The following PZP variants were observed in gnomAD, a reference collection of about 807,000 sequenced individuals.
PZP encodes PZP alpha-2-macroglobulin like.
In PZP, 150 loss-of-function variants were observed where a neutral mutation model predicts 179.8. That is an observed-to-expected ratio of 0.83 (90% CI 0.73 to 0.96). PZP has a LOEUF of 0.96. PZP is among the 40% of genes least tolerant of loss of function. The pLI is 0.00. For synonymous variants in PZP, 624 were observed against 652.3 expected (o/e 0.96, Z 0.66); for missense variants, 1,689 against 1,764.0 (o/e 0.96, Z 0.76).
chr12:9,203,385 A>G (rs1383923946), intron 2 of PZP, among the ~76,000 whole-genome samples: 1 of 126,186 alleles, frequency 7.9e-6, no homozygotes, highest in African/African-American at 3.1e-5. Context: ...TCTGTCGCCC[A>G]GGCTGGAGTG....
chr12:9,161,396 G>A (rs552932828), intron 22 of PZP, among the ~76,000 whole-genome samples: 5 of 152,096 alleles, frequency 3.3e-5, no homozygotes, highest in Non-Finnish European at 7.4e-5. Flanking sequence ...TCTCCTTGTG[G>A]AACTCTGGGT....
the PZP span, among the ~76,000 whole-genome samples, chr12:9,140,259 G>C: frequency 6.6e-6 from 1 of 152,204 alleles, no homozygotes; most frequent in African/African-American, 2.4e-5. Context: ...CCTAGGCATA[G>C]TAGTAGGGGG....
At chr12:9,188,164 AG>A (rs780621917) in intron 13 of PZP, among the ~76,000 whole-genome samples, 9 of 152,256 alleles carry the variant, frequency 5.9e-5, no homozygotes, top group Admixed American at 3.9e-4. Context: ...CACATCAAAA[AG>A]CTTAGCTACC....
intron 11 of PZP, 87 bp downstream of exon 11, chr12:9,193,990 C>T: frequency 2.4e-6 from 3 of 1,259,028 alleles, no homozygotes; most frequent in Admixed American, 4.5e-5. Flanking sequence ...ATTTCTTACT[C>T]TTAAATGCAA....
rs573423230 is a variant in PZP at position 9,172,888 on chromosome 12, A to T, written c.1840-3297T>A. Among the ~76,000 whole-genome samples, 21 of 152,360 alleles carry T rather than the reference A, an allele frequency of 1.4e-4. No individual in the cohort carries two copies. The South Asian group carries it at 4.4e-3, about 32-fold the overall frequency. ...CACACAATAATAGCGAGAGACTTTA[A>T]CACACCACTGACAATATTAGACAGA... On this transcript the variant is annotated intron_variant, in intron 15 of 35. Transcript: ENST00000261336.
chr12:9,180,065 A>G (rs1484171311), intron 15 of PZP, among the ~76,000 whole-genome samples: 3 of 152,224 alleles, frequency 2.0e-5, no homozygotes, highest in East Asian at 1.9e-4. Context: ...TTGAGAAACT[A>G]TCAAGTACTC....
chr12:9,186,481 C>A (rs1218146329), intron 13 of PZP, among the ~76,000 whole-genome samples: 1 of 152,148 alleles, frequency 6.6e-6, no homozygotes, highest in Non-Finnish European at 1.5e-5. Flanking sequence ...AGAAGCAAGA[C>A]TCAGTGGTAT....
At chr12:9,142,485 C>G in the PZP span, among the ~76,000 whole-genome samples, 2 of 152,306 alleles carry the variant, frequency 1.3e-5, no homozygotes, top group Non-Finnish European at 2.9e-5. Context: ...TCTAATTTTA[C>G]TGTGCCAGTA....
intron 2 of PZP, among the ~76,000 whole-genome samples, 180 bp downstream of exon 2, chr12:9,203,588 G>A (rs1352156238): frequency 1.3e-5 from 2 of 152,130 alleles, no homozygotes; most frequent in East Asian, 1.9e-4. Flanking sequence ...TGATCTGCCC[G>A]CCTTGGCTTC....
Position 9,200,413 on chromosome 12 carries a change from T to C in PZP, c.706A>G (p.Lys236Glu), listed in dbSNP as rs779453167. Residue 236 changes from lysine to glutamate, a missense_variant, in exon 7 of 36, where the codon AAG becomes GAG. This residue lies in a region of PZP where 742 missense variants were observed against 730.5 expected (regional missense o/e 1.02). Transcript: ENST00000261336. The part of the protein sequence containing the change: ...PKFEVKVQVP[K>E]IISIMDEKVN... ...TTTTCATCCATGATACTGATTATCT[T>C]TGGCACCTGAACTTTGACCTCAAAC... 16 of 1,611,552 alleles carry C rather than the reference T, an allele frequency of 9.9e-6. No individual in the cohort carries two copies. The highest frequency in any genetic ancestry group is 1.4e-5 in the Non-Finnish European group (16 of 1,177,956).
chr12:9,144,285 G>C (rs1939890852), downstream of PZP, among the ~76,000 whole-genome samples: 1 of 152,192 alleles, frequency 6.6e-6, no homozygotes, highest in African/African-American at 2.4e-5. Flanking sequence ...GAAGTGGTCA[G>C]GTCTCAGGAC....
In PZP at chr12:9,168,992, T is replaced by C. The variant is rs1168292515; in HGVS notation, c.2002-18A>G. On this transcript the variant is annotated intron_variant, in intron 16 of 35. Coordinates refer to ENST00000261336, the MANE Select transcript of PZP (RefSeq NM_002864.3). ...CCCATCCCCTGGAAAAAAATAATTG[T>C]TCAATCTACTTGTAAGCTTGATTAG... The C allele has an allele frequency of 6.5e-7, 1 of 1,540,422 alleles. No homozygotes were observed. The highest frequency in any genetic ancestry group is 9.0e-7 in the Non-Finnish European group (1 of 1,113,146).
chr12:9,206,750 A>T (rs1054605755), intron 1 of PZP, among the ~76,000 whole-genome samples: 5 of 152,016 alleles, frequency 3.3e-5, no homozygotes, highest in Admixed American at 2.6e-4. Flanking sequence ...GCTTGTGACA[A>T]CTAGGGCATG....
chr12:9,185,689 A>G (rs1221407523), intron 13 of PZP, among the ~76,000 whole-genome samples: 1 of 152,098 alleles, frequency 6.6e-6, no homozygotes, highest in African/African-American at 2.4e-5. Context: ...GTAGCTAGAG[A>G]GAAAGGACAA....
chr12:9,206,769 T>A (rs1203006124), intron 1 of PZP, among the ~76,000 whole-genome samples: 3 of 152,088 alleles, frequency 2.0e-5, no homozygotes, highest in African/African-American at 7.2e-5. Context: ...TGAGGCTTGT[T>A]GTTCTTTGTT....
intron 28 of PZP, among the ~76,000 whole-genome samples, chr12:9,155,149 A>G (rs1360672786): frequency 6.6e-6 from 1 of 152,186 alleles, no homozygotes; most frequent in Non-Finnish European, 1.5e-5. Flanking sequence ...ATTGTTCGTG[A>G]TATTTTCTGA....
chr12:9,156,747 G>A (rs1940783375), intron 28 of PZP, among the ~76,000 whole-genome samples: 1 of 152,130 alleles, frequency 6.6e-6, no homozygotes, highest in Admixed American at 6.6e-5. Flanking sequence ...ATCTCACAAT[G>A]TATGACTTGG....
At chr12:9,147,962 G>C (rs1475927675), downstream of PZP, among the ~76,000 whole-genome samples, 2 of 151,802 alleles carry the variant, frequency 1.3e-5, no homozygotes, top group Non-Finnish European at 2.9e-5. Flanking sequence ...TGTTTCTGTA[G>C]ATAGGATAAT....
At chr12:9,203,630 C>T (rs1351434152) in intron 2 of PZP, 138 bp downstream of exon 2, 8 of 1,004,754 alleles carry the variant, frequency 8.0e-6, no homozygotes, top group African/African-American at 3.3e-5. Context: ...CGTGAGCCAC[C>T]GCACCTGGCC....
Sources: gnomAD v4.1 joint callset for allele counts (sites outside exome capture counted in the v4.1 genomes callset) on GRCh38, gnomAD v4.1.1 for gene constraint, gnomAD v4.1.1 regional missense constraint, MANE v1.5 for transcripts, NCBI Gene and HGNC (gene_info 2026-07-23, HGNC 2026-07-21) for gene names.